L3MBTL3: variants seen among roughly 807,000 people sequenced by gnomAD.
L3MBTL3 encodes L3MBTL histone methyl-lysine binding protein 3.
Under a neutral mutation model 102.3 loss-of-function variants are expected in L3MBTL3, and 27 were observed. The observed-to-expected ratio is 0.26, with a 90% CI of 0.19 to 0.36. L3MBTL3 has a LOEUF of 0.36. Ranked by LOEUF, L3MBTL3 falls within the 10% of genes least tolerant of loss-of-function variation. L3MBTL3 has a pLI of 1.00. For missense variants in L3MBTL3, 798 were observed against 955.3 expected (o/e 0.84, Z 2.17); for synonymous variants, 340 against 320.9 (o/e 1.06, Z -0.64).
intron 20 of L3MBTL3, among the ~76,000 whole-genome samples, chr6:130,123,271 G>A (rs1156274371): frequency 6.6e-6 from 1 of 151,856 alleles, no homozygotes; most frequent in Non-Finnish European, 1.5e-5. Context: ...GATTTGAATT[G>A]CCTAAGTTTT....
At chr6:130,066,079 A>G (rs980486580) in intron 10 of L3MBTL3, among the ~76,000 whole-genome samples, 3 of 152,074 alleles carry the variant, frequency 2.0e-5, no homozygotes, top group African/African-American at 4.8e-5. Context: ...AGGACCTGCA[A>G]TTGTGGGATA....
At chr6:130,093,723 A>C (rs1281909474) in intron 17 of L3MBTL3, among the ~76,000 whole-genome samples, 1 of 152,230 alleles carries the variant, frequency 6.6e-6, no homozygotes, top group Non-Finnish European at 1.5e-5. Context: ...TGTGCCTTTT[A>C]TGTGGCAAAA....
intron 14 of L3MBTL3, among the ~76,000 whole-genome samples, chr6:130,081,494 C>G (rs1377325662): frequency 6.6e-6 from 1 of 151,480 alleles, no homozygotes; most frequent in Non-Finnish European, 1.5e-5. Flanking sequence ...TCTTGGCTCA[C>G]TGTAAATTCC....
chr6:130,074,860 T>A (rs1434835916), intron 13 of L3MBTL3, among the ~76,000 whole-genome samples: 1 of 152,102 alleles, frequency 6.6e-6, no homozygotes, highest in East Asian at 1.9e-4. Context: ...AAGAAAAGGG[T>A]TATTAGTGAA....
At chr6:130,039,665 T>A (rs796145259) in intron 2 of L3MBTL3, among the ~76,000 whole-genome samples, 57 of 152,060 alleles carry the variant, frequency 3.7e-4, no homozygotes, top group African/African-American at 1.4e-3. Context: ...GTAAAACCAG[T>A]ACATGATAGT....
At chr6:130,130,720 G>T (rs562083157) in intron 20 of L3MBTL3, among the ~76,000 whole-genome samples, 8 of 152,330 alleles carry the variant, frequency 5.3e-5, no homozygotes, top group South Asian at 2.1e-4. Flanking sequence ...AATGTGGAAA[G>T]AGGGATAATG....
At chr6:130,028,509 G>T (rs903734622) in intron 2 of L3MBTL3, among the ~76,000 whole-genome samples, 3 of 152,196 alleles carry the variant, frequency 2.0e-5, no homozygotes, top group South Asian at 2.1e-4. Context: ...TAAGATTTCA[G>T]TTCTCACATT....
intron 9 of L3MBTL3, among the ~76,000 whole-genome samples, chr6:130,058,120 G>A (rs560299214): frequency 3.6e-5 from 5 of 139,726 alleles, no homozygotes; most frequent in East Asian, 2.0e-4. Context: ...TCCGCAGTCC[G>A]GCCTGGGCAA....
At position 130,139,607 on chromosome 6, in the gene L3MBTL3, T is replaced by C; in HGVS notation, c.2200-3T>C. 1 of 1,612,236 alleles carries C rather than the reference T, an allele frequency of 6.2e-7. No homozygotes were observed. Among genetic ancestry groups the C allele is most frequent in the Non-Finnish European group, 8.5e-7 (1 of 1,178,638 alleles). On this transcript the variant is annotated splice_region_variant and splice_polypyrimidine_tract_variant and intron_variant, in intron 22 of 22. Transcript: ENST00000361794. ...ATTCTGTTGTTTTTTTCCCCCATTT[T>C]AGCAAATTGATGGAGAAGCATTTCT...
At chr6:130,082,769 CTGATA>C in intron 14 of L3MBTL3, among the ~76,000 whole-genome samples, 2 of 152,090 alleles carry the variant, frequency 1.3e-5, no homozygotes, top group African/African-American at 4.8e-5. Flanking sequence ...GGCCTTTAAG[CTGATA>C]TAGCTAGGAA....
At chr6:130,123,724 A>G (rs1159287201) in intron 20 of L3MBTL3, among the ~76,000 whole-genome samples, 1 of 152,094 alleles carries the variant, frequency 6.6e-6, no homozygotes, top group African/African-American at 2.4e-5. Flanking sequence ...TTTGTATGAA[A>G]GAGATTTGGA....
chr6:130,038,225 A>G (rs913222116), intron 2 of L3MBTL3, among the ~76,000 whole-genome samples: 2 of 152,116 alleles, frequency 1.3e-5, no homozygotes, highest in Non-Finnish European at 2.9e-5. Flanking sequence ...TAGTGCTGCA[A>G]TAAACATGGG....
chr6:130,081,382 A>G (rs1232069968), intron 14 of L3MBTL3, among the ~76,000 whole-genome samples: 1 of 152,034 alleles, frequency 6.6e-6, no homozygotes, highest in African/African-American at 2.4e-5. Flanking sequence ...TAAAAATGTC[A>G]TAAAATGTAT....
chr6:130,067,687 G>GT (rs1336986597), intron 11 of L3MBTL3, among the ~76,000 whole-genome samples: 1 of 152,126 alleles, frequency 6.6e-6, no homozygotes, highest in Non-Finnish European at 1.5e-5. Context: ...TTATTAGCTG[G>GT]TTTTTTCATG....
intron 2 of L3MBTL3, among the ~76,000 whole-genome samples, chr6:130,040,283 C>G (rs916121750): frequency 2.0e-5 from 3 of 149,588 alleles, no homozygotes; most frequent in African/African-American, 7.4e-5. Flanking sequence ...GAGCCTAGAT[C>G]ATGCCATTGT....
intron 11 of L3MBTL3, 121 bp downstream of exon 11, chr6:130,066,609 A>G (rs1782277456): frequency 1.2e-6 from 1 of 810,210 alleles, no homozygotes; most frequent in South Asian, 1.9e-5. Context: ...ATTTAACCTT[A>G]TTGTTTATGA....
intron 18 of L3MBTL3, among the ~76,000 whole-genome samples, chr6:130,099,060 G>C (rs1784530058): frequency 6.6e-6 from 1 of 151,924 alleles, no homozygotes; most frequent in Non-Finnish European, 1.5e-5. Context: ...GGAGAACAGT[G>C]AATAAGGCAT....
intron 2 of L3MBTL3, among the ~76,000 whole-genome samples, chr6:130,041,920 A>G (rs781051356): frequency 9.9e-5 from 15 of 152,200 alleles, no homozygotes; most frequent in Non-Finnish European, 1.9e-4. Flanking sequence ...GATTGTTTCT[A>G]GATTCTTTCA....
chr6:130,050,456 A>G (rs374565307), intron 5 of L3MBTL3, among the ~76,000 whole-genome samples: 2 of 152,244 alleles, frequency 1.3e-5, no homozygotes, highest in African/African-American at 4.8e-5. Context: ...CAGTTGGTAA[A>G]TTCCTCTTTG....
Sources: gnomAD v4.1 joint callset for allele counts (sites outside exome capture counted in the v4.1 genomes callset) on GRCh38, gnomAD v4.1.1 for gene constraint, MANE v1.5 for transcripts, NCBI Gene and HGNC (gene_info 2026-07-23, HGNC 2026-07-21) for gene names.